VAT1L: variants seen among roughly 807,000 people sequenced by gnomAD.
VAT1L encodes the protein putative NADPH-dependent quinone oxidoreductase VAT1L.
Under a neutral mutation model 44.1 loss-of-function variants are expected in VAT1L, and 34 were observed. The observed-to-expected ratio is 0.77, with a 90% CI of 0.59 to 1.03. The LOEUF (loss-of-function observed/expected upper bound fraction) is 1.03. Among genes scored for constraint, VAT1L ranks in the 50% least tolerant of loss-of-function variants. VAT1L has a pLI of 0.00. For missense variants in VAT1L, 615 were observed against 538.8 expected (o/e 1.14, Z -1.40); for synonymous variants, 253 against 202.2 (o/e 1.25, Z -2.13).
intron 7 of VAT1L, among the ~76,000 whole-genome samples, chr16:77,957,158 C>T (rs2018112617): frequency 6.6e-6 from 1 of 152,176 alleles, no homozygotes; most frequent in African/African-American, 2.4e-5. Context: ...GATAGCTCCC[C>T]ACTTGAGAAC....
chr16:77,907,775 T>C (rs1409610510), intron 7 of VAT1L, among the ~76,000 whole-genome samples: 1 of 152,128 alleles, frequency 6.6e-6, no homozygotes, highest in Non-Finnish European at 1.5e-5. Context: ...GGAGGAGTGG[T>C]GTCAAGTGCT....
chr16:77,910,304 G>A (rs544649303), intron 7 of VAT1L, among the ~76,000 whole-genome samples: 1 of 152,112 alleles, frequency 6.6e-6, no homozygotes, highest in Non-Finnish European at 1.5e-5. Context: ...GCTAAAAAAC[G>A]AGCCTCTCAG....
chr16:77,927,231 A>C (rs2017679475), intron 7 of VAT1L, among the ~76,000 whole-genome samples: 1 of 151,436 alleles, frequency 6.6e-6, no homozygotes. Context: ...CCAGCTAGTC[A>C]GGAGGCTGAG....
rs190177484 is a variant in VAT1L, at chr16:77,958,943, G to A, written c.1078-12907G>A. On this transcript the variant is annotated intron_variant, in intron 7 of 8. Transcript: ENST00000302536. ...AGTAGGTACTTCCTTTATAATAGCT[G>A]GTTGAATGTTTCTCCCATTCCTTTA... 2.4e-4 allele frequency among the ~76,000 whole-genome samples: 37 copies of A among 152,232 alleles called. 1 individual carries two copies. Among genetic ancestry groups the A allele is most frequent in the African/African-American group, 7.7e-4 (32 of 41,528 alleles).
intron 7 of VAT1L, among the ~76,000 whole-genome samples, chr16:77,961,662 T>A (rs1309184167): frequency 6.6e-6 from 1 of 152,120 alleles, no homozygotes; most frequent in Admixed American, 6.5e-5. Flanking sequence ...TCCTGCCATT[T>A]TCCCCTGGCT....
intron 7 of VAT1L, among the ~76,000 whole-genome samples, chr16:77,913,710 G>A (rs609808): frequency 0.35 from 53,308 of 151,976 alleles, 9,701 homozygotes; most frequent in East Asian, 0.46. Flanking sequence ...GGTTGGAGGG[G>A]GACAGTCTAT....
At chr16:77,930,451 C>G (rs981378844) in intron 7 of VAT1L, among the ~76,000 whole-genome samples, 1 of 152,198 alleles carries the variant, frequency 6.6e-6, no homozygotes, top group Non-Finnish European at 1.5e-5. Context: ...CTTTGAATGG[C>G]TCTCTGCAGT....
At chr16:77,890,493 C>T (rs1410808158) in intron 7 of VAT1L, among the ~76,000 whole-genome samples, 1 of 152,088 alleles carries the variant, frequency 6.6e-6, no homozygotes, top group Non-Finnish European at 1.5e-5. Flanking sequence ...CACTCTGGCC[C>T]CAAGTATGAT....
At chr16:77,962,786 G>A (rs1373050984) in intron 7 of VAT1L, among the ~76,000 whole-genome samples, 1 of 66,282 alleles carries the variant, frequency 1.5e-5, no homozygotes, top group East Asian at 4.3e-4. Context: ...GAAAGAAAGA[G>A]AAAAGAAAAA....
At chr16:77,970,010 T>A (rs2018261818) in intron 7 of VAT1L, among the ~76,000 whole-genome samples, 1 of 140,100 alleles carries the variant, frequency 7.1e-6, no homozygotes, top group Non-Finnish European at 1.5e-5. Context: ...GGCCAACAGT[T>A]CATGAGCAGC....
At chr16:77,824,732 G>C (rs1447775065) in intron 2 of VAT1L, among the ~76,000 whole-genome samples, 1 of 148,180 alleles carries the variant, frequency 6.7e-6, no homozygotes, top group Non-Finnish European at 1.5e-5. Context: ...CTCCAGCCTG[G>C]GTGACAGAGC....
At chr16:77,843,926 G>C (rs1420516929) in intron 3 of VAT1L, among the ~76,000 whole-genome samples, 1 of 152,200 alleles carries the variant, frequency 6.6e-6, no homozygotes, top group African/African-American at 2.4e-5. Context: ...GAGAGCAGGA[G>C]ACAGGTGGTG....
chr16:77,901,553 G>T (rs955277486), intron 7 of VAT1L, among the ~76,000 whole-genome samples: 3 of 152,082 alleles, frequency 2.0e-5, no homozygotes, highest in African/African-American at 4.8e-5. Context: ...TGTTACCTGG[G>T]TCCTATCAAG....
intron 7 of VAT1L, among the ~76,000 whole-genome samples, chr16:77,918,327 G>A (rs562685531): frequency 1.3e-5 from 2 of 152,224 alleles, no homozygotes; most frequent in Admixed American, 6.5e-5. Context: ...GCTACCATCC[G>A]TGCAGGAAAC....
chr16:77,813,122 T>G (rs986809516), intron 1 of VAT1L, among the ~76,000 whole-genome samples: 1 of 151,984 alleles, frequency 6.6e-6, no homozygotes, highest in Admixed American at 6.6e-5. Context: ...GAAACTGTAA[T>G]TGTGCAAAAC....
At chr16:77,799,766 C>G (rs1466605404) in intron 1 of VAT1L, among the ~76,000 whole-genome samples, 1 of 152,130 alleles carries the variant, frequency 6.6e-6, no homozygotes, top group Non-Finnish European at 1.5e-5. Context: ...TTGTACCTTT[C>G]TTACCACAGT....
At chr16:77,892,633 T>C in intron 7 of VAT1L, 2 of 696,062 alleles carry the variant, frequency 2.9e-6, no homozygotes, top group Non-Finnish European at 5.4e-6. Flanking sequence ...CACTCCATAA[T>C]GGCACTGGTG....
chr16:77,927,994 C>T lies in VAT1L; in HGVS notation c.1077+43192C>T, dbSNP rs2017688964. Among the ~76,000 whole-genome samples, 10 of 152,338 alleles carry T rather than the reference C, an allele frequency of 6.6e-5. No homozygotes were observed. In the South Asian group the frequency reaches 2.1e-3, roughly 32 times the overall value. On this transcript the variant is annotated intron_variant, in intron 7 of 8. Transcript: ENST00000302536. ...ATCAAAAGTCATTTGACCTCTAATT[C>T]AATCCTTCCCATTAGGATGGGATGC...
intron 4 of VAT1L, among the ~76,000 whole-genome samples, chr16:77,867,284 G>T (rs546685543): frequency 6.6e-6 from 1 of 152,198 alleles, no homozygotes; most frequent in South Asian, 2.1e-4. Context: ...GGGTTTCACA[G>T]GTGTGAACAT....
Sources: gnomAD v4.1 joint callset for allele counts (sites outside exome capture counted in the v4.1 genomes callset) on GRCh38, gnomAD v4.1.1 for gene constraint, MANE v1.5 for transcripts, NCBI Gene and HGNC (gene_info 2026-07-23, HGNC 2026-07-21) for gene names.